Variants in ZBTB7C observed in about 807,000 individuals in gnomAD.
ZBTB7C encodes zinc finger and BTB domain-containing protein 7C.
In ZBTB7C, 8 loss-of-function variants were observed where a neutral mutation model predicts 25.7. The observed-to-expected ratio is 0.31, with a 90% CI of 0.18 to 0.56. The LOEUF (loss-of-function observed/expected upper bound fraction) is 0.56, where lower values mean the gene tolerates loss of function less well. Ranked by LOEUF, ZBTB7C falls within the 20% of genes least tolerant of loss-of-function variation. The pLI, the probability that ZBTB7C is intolerant of heterozygous loss-of-function variation, is 0.91. For synonymous variants in ZBTB7C, 394 were observed against 369.0 expected, an observed-to-expected ratio of 1.07 and a Z score of -0.78; for missense variants, 824 against 855.2, an observed-to-expected ratio of 0.96 and a Z score of 0.46.
intron 3 of ZBTB7C, chr18:48,083,984 G>GCCT: frequency 1.5e-6 from 1 of 673,698 alleles, no homozygotes; most frequent in Non-Finnish European, 1.8e-6. Flanking sequence ...CGCAGGGACA[G>GCCT]CCTCCTCCCT....
chr18:48,078,314 G>A (rs1286719729), intron 3 of ZBTB7C, among the ~76,000 whole-genome samples: 1 of 152,202 alleles, frequency 6.6e-6, no homozygotes, highest in Non-Finnish European at 1.5e-5. Flanking sequence ...AGACACACAT[G>A]CAAGGCCCCT....
At chr18:48,043,201 G>A (rs535664592) in intron 3 of ZBTB7C, among the ~76,000 whole-genome samples, 6 of 152,250 alleles carry the variant, frequency 3.9e-5, no homozygotes, top group African/African-American at 1.2e-4. Flanking sequence ...AACAAAATAT[G>A]CAACCGCCAT....
At chr18:48,360,920 A>C (rs2047090187) in intron 1 of ZBTB7C, among the ~76,000 whole-genome samples, 1 of 152,166 alleles carries the variant, frequency 6.6e-6, no homozygotes, top group African/African-American at 2.4e-5. Flanking sequence ...AAAGGCAGAA[A>C]GATGAAAGCT....
chr18:48,217,493 C>T (rs931769307), intron 2 of ZBTB7C, among the ~76,000 whole-genome samples: 1 of 152,034 alleles, frequency 6.6e-6, no homozygotes, highest in African/African-American at 2.4e-5. Context: ...TTGAGTCCCC[C>T]TCCTTCTCCT....
chr18:48,194,026 AT>A, intron 2 of ZBTB7C, among the ~76,000 whole-genome samples: 1 of 152,330 alleles, frequency 6.6e-6, no homozygotes, highest in Non-Finnish European at 1.5e-5. Context: ...AGAAGTCCAC[AT>A]TTCTGTGACC....
intron 3 of ZBTB7C, among the ~76,000 whole-genome samples, chr18:48,162,984 GA>G (rs2041119200): frequency 6.6e-6 from 1 of 152,218 alleles, no homozygotes; most frequent in Non-Finnish European, 1.5e-5. Flanking sequence ...CTGTCTAGGA[GA>G]ATGAAACTGC....
At chr18:48,384,525 G>T (rs1020367473) in intron 1 of ZBTB7C, among the ~76,000 whole-genome samples, 3 of 152,222 alleles carry the variant, frequency 2.0e-5, no homozygotes, top group African/African-American at 4.8e-5. Flanking sequence ...AGGGATTGCT[G>T]AAGATGTAGT....
chr18:48,225,631 T>G (rs73955666), intron 2 of ZBTB7C, among the ~76,000 whole-genome samples: 12,069 of 152,274 alleles, frequency 0.079, 521 homozygotes, highest in Middle Eastern at 0.15. Context: ...GTGACTTGCT[T>G]TGGCCAGCAG....
chr18:48,382,010 T>C (rs974216153), intron 1 of ZBTB7C, among the ~76,000 whole-genome samples: 5 of 152,338 alleles, frequency 3.3e-5, no homozygotes, highest in Admixed American at 1.3e-4. Context: ...CGGAAAAGGC[T>C]TGTTATCCAT....
At chr18:48,113,258 T>C (rs923026033) in intron 3 of ZBTB7C, among the ~76,000 whole-genome samples, 2 of 152,244 alleles carry the variant, frequency 1.3e-5, no homozygotes, top group Non-Finnish European at 2.9e-5. Context: ...AGTTATCTCA[T>C]CTGCTAAATG....
intron 3 of ZBTB7C, among the ~76,000 whole-genome samples, chr18:48,110,534 C>T (rs6507806): frequency 0.35 from 53,593 of 152,128 alleles, 10,570 homozygotes; most frequent in East Asian, 0.53. Context: ...CTGTCAGGCT[C>T]GTTGTTGGCG....
intron 3 of ZBTB7C, among the ~76,000 whole-genome samples, chr18:48,166,180 C>G (rs2041237592): frequency 7.6e-6 from 1 of 131,332 alleles, no homozygotes; most frequent in East Asian, 2.2e-4. Flanking sequence ...ACCACTATTT[C>G]CAAGACTTTT....
chr18:48,357,424 C>A (rs1426902604), intron 1 of ZBTB7C, among the ~76,000 whole-genome samples: 3 of 152,196 alleles, frequency 2.0e-5, no homozygotes, highest in Admixed American at 2.0e-4. Flanking sequence ...GGAGCCCTTC[C>A]CTGACACATA....
chr18:48,334,792 C>T (rs1006956700), intron 2 of ZBTB7C, among the ~76,000 whole-genome samples: 2 of 152,296 alleles, frequency 1.3e-5, no homozygotes, highest in Admixed American at 6.5e-5. Context: ...AGGAACAGGC[C>T]TTTGTTTCAA....
chr18:48,336,497 G>C (rs1238772785), intron 2 of ZBTB7C, among the ~76,000 whole-genome samples: 1 of 152,184 alleles, frequency 6.6e-6, no homozygotes, highest in Non-Finnish European at 1.5e-5. Flanking sequence ...ATAGAAGCTT[G>C]AAGCCTCCAG....
chr18:48,111,548 G>C (rs983272374), intron 3 of ZBTB7C, among the ~76,000 whole-genome samples: 3 of 152,174 alleles, frequency 2.0e-5, no homozygotes, highest in African/African-American at 7.2e-5. Context: ...TCCAGGGGAG[G>C]GAGGCAGAGG....
chr18:48,203,759 C>G (rs889905606), intron 2 of ZBTB7C, among the ~76,000 whole-genome samples: 2 of 152,164 alleles, frequency 1.3e-5, no homozygotes, highest in African/African-American at 4.8e-5. Context: ...GAAGCAGGAG[C>G]TGTGTCCCCC....
chr18:48,183,103 T>G lies in ZBTB7C; in HGVS notation c.-17+2831A>C, dbSNP rs2041969203. On this transcript the variant is annotated intron_variant, in intron 3 of 4. Coordinates refer to ENST00000590800, the MANE Select transcript of ZBTB7C (RefSeq NM_001318841.2). ...AAAGAGTTCGAAAACGTTTGTAAAG[T>G]TCTTATGCATTTTAAACATTCCACT... Among the ~76,000 whole-genome samples, 15 of 152,304 alleles carry G rather than the reference T, an allele frequency of 9.8e-5. 1 individual carries two copies. The South Asian group carries it at 2.9e-3, about 30-fold the overall frequency.
At chr18:48,405,978 G>A (rs922421654) in intron 1 of ZBTB7C, among the ~76,000 whole-genome samples, 3 of 152,116 alleles carry the variant, frequency 2.0e-5, no homozygotes, top group Non-Finnish European at 4.4e-5. Context: ...AGTACCCTCT[G>A]TGTGGTTCAT....
Sources: allele counts gnomAD v4.1 joint callset (sites outside exome capture counted in the v4.1 genomes callset), GRCh38; gene constraint gnomAD v4.1.1; transcripts MANE v1.5; gene names NCBI Gene and HGNC (gene_info 2026-07-23, HGNC 2026-07-21).